The following SCAPER variants were observed in gnomAD, a reference collection of about 807,000 sequenced individuals.
SCAPER encodes the protein S-phase cyclin A associated protein in the ER.
SCAPER carries 98 observed loss-of-function variants against 182.2 expected under a neutral mutation model. The observed-to-expected ratio is 0.54, with a 90% confidence interval of 0.46 to 0.64. The LOEUF (loss-of-function observed/expected upper bound fraction) is 0.64, where lower values mean the gene tolerates loss of function less well. Ranked by LOEUF, SCAPER falls within the 30% of genes least tolerant of loss-of-function variation. The probability of loss-of-function intolerance (pLI) is 0.00; values close to 1 mark genes in which losing one functional copy is unlikely to be tolerated. For missense variants in SCAPER, 1,432 were observed against 1,690.0 expected, an observed-to-expected ratio of 0.85 and a Z score of 2.68; for synonymous variants, 605 against 564.6, an observed-to-expected ratio of 1.07 and a Z score of -1.01.
chr15:76,602,999 A>G lies in SCAPER; in HGVS notation c.2711+18765T>C, dbSNP rs1201716472. 1.1e-3 allele frequency among the ~76,000 whole-genome samples: 63 copies of G among 58,208 alleles called. 17 individuals carry two copies. Among genetic ancestry groups the G allele is most frequent in the Non-Finnish European group, 2.1e-3 (52 of 25,084 alleles). The allele number at this position is 58,208 out of a possible 152,430, so 38.2% of individuals were successfully genotyped here. A position where few individuals can be genotyped will look rare whatever the true frequency, so the allele number is the denominator to read the frequency against. ...AACTTTTTTTTTTTTTTTGGTTTGG[A>G]TCCTCAATAGTTTTTATTTTATTTA... On this transcript the variant is annotated intron_variant, in intron 22 of 31. Coordinates refer to ENST00000563290, the MANE Select transcript of SCAPER (RefSeq NM_020843.4).
intron 23 of SCAPER, among the ~76,000 whole-genome samples, chr15:76,555,381 C>G (rs2046116322): frequency 1.3e-5 from 2 of 152,168 alleles, no homozygotes; most frequent in South Asian, 2.1e-4. Flanking sequence ...CTGCCCATAT[C>G]AATACTAACC....
chr15:76,366,114 C>T (rs774183597), intron 29 of SCAPER, among the ~76,000 whole-genome samples: 22 of 123,510 alleles, frequency 1.8e-4, no homozygotes, highest in Non-Finnish European at 5.7e-5. Context: ...CACACACACA[C>T]ACACACACTA....
intron 17 of SCAPER, among the ~76,000 whole-genome samples, chr15:76,720,750 T>C (rs2060187117): frequency 6.6e-6 from 1 of 152,234 alleles, no homozygotes; most frequent in Non-Finnish European, 1.5e-5. Context: ...TCTGTTCATA[T>C]CCTTTGCCCA....
intron 2 of SCAPER, among the ~76,000 whole-genome samples, chr15:76,880,684 G>A (rs2073474966): frequency 6.7e-6 from 1 of 148,548 alleles, no homozygotes; most frequent in Non-Finnish European, 1.5e-5. Context: ...AAGAAACGAA[G>A]ATCTCTAACA....
chr15:76,757,254 G>A (rs2062496500), intron 14 of SCAPER, among the ~76,000 whole-genome samples: 1 of 152,026 alleles, frequency 6.6e-6, no homozygotes, highest in Admixed American at 6.6e-5. Context: ...TCAAACTGTT[G>A]TACCCTTTGA....
chr15:76,835,933 C>CAAAAAAAAAAAA (rs35242954), intron 5 of SCAPER, among the ~76,000 whole-genome samples: 1 of 94,296 alleles, frequency 1.1e-5, no homozygotes, highest in Non-Finnish European at 2.0e-5. Flanking sequence ...ACATTAGCCA[C>CAAAAAAAAAAAA]AAAAAAAAAA....
chr15:76,884,750 G>A (rs2073752439), intron 1 of SCAPER, among the ~76,000 whole-genome samples: 1 of 151,972 alleles, frequency 6.6e-6, no homozygotes, highest in South Asian at 2.1e-4. Flanking sequence ...CTAAAAAGTA[G>A]AAACAACCCA....
At chr15:76,568,378 A>G (rs562770174) in intron 23 of SCAPER, among the ~76,000 whole-genome samples, 13 of 150,910 alleles carry the variant, frequency 8.6e-5, no homozygotes, top group Non-Finnish European at 1.9e-4. Flanking sequence ...TCCCTGCGCC[A>G]CAAGTCTCTC....
Position 76,809,353 on chromosome 15 carries a change from C to T in SCAPER, c.394-4720G>A, listed in dbSNP as rs75159686. ...TCAAAAGAACAGTCATAAAGAAGTTCGCCAAGGTCAGAAGGAGTAATGCAT... is the reference window on the plus strand; with the variant it reads ...TCAAAAGAACAGTCATAAAGAAGTTTGCCAAGGTCAGAAGGAGTAATGCAT... On this transcript the variant is annotated intron_variant, in intron 5 of 31. Transcript: ENST00000563290. 5.4e-3 allele frequency among the ~76,000 whole-genome samples: 815 copies of T among 152,172 alleles called. 7 individuals are homozygous for T. The highest frequency in any genetic ancestry group is 0.019 in the African/African-American group (787 of 41,540).
Position 76,819,731 on chromosome 15 carries a change from G to A in SCAPER, c.394-15098C>T, listed in dbSNP as rs993782224. Reference sequence around the variant, plus strand: ...TCACCAGCACAGAACAAAGCTGGACGGAGAATGACTTTGACCAGTTGAGAG... The same window carrying A: ...TCACCAGCACAGAACAAAGCTGGACAGAGAATGACTTTGACCAGTTGAGAG... On this transcript the variant is annotated intron_variant, in intron 5 of 31. Coordinates refer to ENST00000563290, the MANE Select transcript of SCAPER (RefSeq NM_020843.4). 5.9e-5 allele frequency among the ~76,000 whole-genome samples: 9 copies of A among 152,288 alleles called. No individual in the cohort carries two copies. The East Asian group carries it at 1.4e-3, about 23-fold the overall frequency.
chr15:76,418,929 A>C (rs896464091), intron 26 of SCAPER, among the ~76,000 whole-genome samples: 4 of 152,208 alleles, frequency 2.6e-5, no homozygotes, highest in African/African-American at 9.6e-5. Flanking sequence ...GCCTTCCTGG[A>C]GTCTGCCAGG....
intron 7 of SCAPER, among the ~76,000 whole-genome samples, chr15:76,795,850 C>T (rs1200769287): frequency 6.6e-6 from 1 of 152,130 alleles, no homozygotes; most frequent in South Asian, 2.1e-4. Flanking sequence ...TCACTTGAGG[C>T]CAAGAGTTCA....
intron 23 of SCAPER, among the ~76,000 whole-genome samples, chr15:76,520,802 C>T (rs2042775418): frequency 6.6e-6 from 1 of 152,156 alleles, no homozygotes; most frequent in Non-Finnish European, 1.5e-5. Flanking sequence ...AAGTCAAACC[C>T]AGATATGTCT....
At chr15:76,502,637 G>T (rs1408899864) in intron 24 of SCAPER, among the ~76,000 whole-genome samples, 1 of 152,042 alleles carries the variant, frequency 6.6e-6, no homozygotes, top group African/African-American at 2.4e-5. Flanking sequence ...TGAGTTAATG[G>T]GTGCAGCACA....
rs181010851 is a variant in SCAPER, at chr15:76,673,137, C to T, written c.2509-7348G>A. ...AATTAACTTTCAAGCAAGAAAAGCA[C>T]AAATTATTATCAACATTTTCAAAAC... On this transcript the variant is annotated intron_variant, in intron 20 of 31. Coordinates refer to ENST00000563290, the MANE Select transcript of SCAPER (RefSeq NM_020843.4). 1.1e-3 allele frequency among the ~76,000 whole-genome samples: 173 copies of T among 152,074 alleles called. 1 individual carries two copies. The highest frequency in any genetic ancestry group is 4.0e-3 in the African/African-American group (167 of 41,488).
At chr15:76,825,099 C>T (rs1028308369) in intron 5 of SCAPER, among the ~76,000 whole-genome samples, 4 of 152,194 alleles carry the variant, frequency 2.6e-5, no homozygotes, top group Non-Finnish European at 5.9e-5. Context: ...TAGATGCCTG[C>T]ACAGTTACCT....
intron 25 of SCAPER, among the ~76,000 whole-genome samples, chr15:76,456,010 T>C (rs1354057909): frequency 6.6e-6 from 1 of 152,252 alleles, no homozygotes; most frequent in Non-Finnish European, 1.5e-5. Context: ...AATTCTGTTT[T>C]ATGGCTGCGT....
intron 27 of SCAPER, among the ~76,000 whole-genome samples, chr15:76,393,268 A>C (rs2043830033): frequency 6.6e-6 from 1 of 152,230 alleles, no homozygotes; most frequent in African/African-American, 2.4e-5. Flanking sequence ...CAGCGTGAGC[A>C]GGACTCTTGA....
intron 20 of SCAPER, among the ~76,000 whole-genome samples, chr15:76,684,134 C>T (rs1385923545): frequency 2.0e-5 from 3 of 151,960 alleles, no homozygotes; most frequent in East Asian, 3.9e-4. Flanking sequence ...TATAGACCAC[C>T]GACACTATAA....
Sources: allele counts gnomAD v4.1 joint callset (sites outside exome capture counted in the v4.1 genomes callset), GRCh38; gene constraint gnomAD v4.1.1; transcripts MANE v1.5; gene names NCBI Gene and HGNC (gene_info 2026-07-23, HGNC 2026-07-21).